Variants in VPS13C observed in about 807,000 individuals in gnomAD.
VPS13C encodes the protein intermembrane lipid transfer protein VPS13C.
VPS13C carries 358 observed loss-of-function variants against 456.8 expected under a neutral mutation model. That is an observed-to-expected ratio of 0.78 (90% confidence interval 0.72 to 0.86). The LOEUF is 0.86. VPS13C is among the 40% of genes least tolerant of loss of function. The probability of loss-of-function intolerance (pLI) is 0.00; values close to 1 mark genes in which losing one functional copy is unlikely to be tolerated. For synonymous variants in VPS13C, 1,578 were observed against 1,486.7 expected, an observed-to-expected ratio of 1.06 and a Z score of -1.41; for missense variants, 4,818 against 4,385.4, an observed-to-expected ratio of 1.10 and a Z score of -2.79.
At chr15:61,914,887 A>AAAAAAAAAAAAAAAAAAAC in intron 61 of VPS13C, among the ~76,000 whole-genome samples, 1 of 46,892 alleles carries the variant, frequency 2.1e-5, no homozygotes, top group African/African-American at 8.6e-5. Context: ...TTAAAAAAAA[A>AAAAAAAAAAAAAAAAAAAC]AAAAAAAAAA....
At chr15:61,977,269 T>C in intron 23 of VPS13C, 70 bp from the exon 24 acceptor site, 1 of 897,934 alleles carries the variant, frequency 1.1e-6, no homozygotes. Context: ...TAAATATTAT[T>C]TTTAATGAAT....
chr15:61,945,499 G>T (rs1342107391), intron 45 of VPS13C, among the ~76,000 whole-genome samples: 1 of 152,146 alleles, frequency 6.6e-6, no homozygotes, highest in Non-Finnish European at 1.5e-5. Context: ...CTGTGGAAAT[G>T]TTATAGAATT....
At chr15:61,990,828 A>G (rs1002370252) in intron 18 of VPS13C, among the ~76,000 whole-genome samples, 172 bp downstream of exon 18, 1 of 152,170 alleles carries the variant, frequency 6.6e-6, no homozygotes, top group Non-Finnish European at 1.5e-5. Flanking sequence ...CAAATAAAAT[A>G]AAGTTAGAGA....
At chr15:61,949,821 T>C (rs994578309) in intron 41 of VPS13C, among the ~76,000 whole-genome samples, 4 of 152,204 alleles carry the variant, frequency 2.6e-5, no homozygotes. Context: ...ACCACAATTT[T>C]AACTCAAAAG....
At chr15:61,928,288 G>C (rs1055378772) in intron 51 of VPS13C, among the ~76,000 whole-genome samples, 3 of 152,128 alleles carry the variant, frequency 2.0e-5, no homozygotes, top group African/African-American at 7.2e-5. Context: ...TTATATTGCA[G>C]GGGCAAGAAG....
chr15:62,049,091 G>A (rs1271872245), intron 1 of VPS13C, among the ~76,000 whole-genome samples: 2 of 152,062 alleles, frequency 1.3e-5, no homozygotes, highest in Non-Finnish European at 2.9e-5. Context: ...TTGCTGTGCA[G>A]AAGCTCTTTA....
intron 20 of VPS13C, 43 bp downstream of exon 20, chr15:61,983,777 A>G (rs200166659): frequency 1.6e-4 from 260 of 1,581,474 alleles, no homozygotes; most frequent in Non-Finnish European, 2.1e-4. Context: ...TGTCAGAAGC[A>G]TAAGATGATT....
At chr15:61,998,001 A>C (rs960695512) in intron 16 of VPS13C, among the ~76,000 whole-genome samples, 1 of 152,188 alleles carries the variant, frequency 6.6e-6, no homozygotes, top group East Asian at 1.9e-4. Flanking sequence ...ACAATCTGGC[A>C]ATCTCAACTC....
intron 66 of VPS13C, chr15:61,906,969 C>G (rs1324115878): frequency 3.3e-6 from 1 of 304,150 alleles, no homozygotes; most frequent in Non-Finnish European, 6.2e-6. Context: ...TTGTTTTTAA[C>G]TTAGTCTTAC....
At chr15:62,003,565 G>A (rs1370479416) in intron 15 of VPS13C, among the ~76,000 whole-genome samples, 1 of 152,078 alleles carries the variant, frequency 6.6e-6, no homozygotes, top group Non-Finnish European at 1.5e-5. Context: ...TGTGGAATAG[G>A]AGTGGTGAGA....
chr15:62,014,779 T>C (rs2047168959), intron 9 of VPS13C, among the ~76,000 whole-genome samples: 1 of 151,920 alleles, frequency 6.6e-6, no homozygotes, highest in Non-Finnish European at 1.5e-5. Flanking sequence ...CAGAAGGAGA[T>C]TAACATGATA....
At chr15:61,862,518 A>G (rs1448616234) in intron 82 of VPS13C, among the ~76,000 whole-genome samples, 1 of 152,232 alleles carries the variant, frequency 6.6e-6, no homozygotes, top group Non-Finnish European at 1.5e-5. Flanking sequence ...AACACATTGC[A>G]ACAGCTAAGT....
intron 13 of VPS13C, among the ~76,000 whole-genome samples, chr15:62,010,166 G>T (rs550290229): frequency 6.6e-6 from 1 of 151,632 alleles, no homozygotes. Context: ...CTCCAGCCTG[G>T]GCAACAGAGT....
At position 61,892,325 on chromosome 15, in the gene VPS13C, C is replaced by A. The variant is rs1465376413; in HGVS notation, c.9106-1925G>T. ...TCTTCTGAGGAGGAACCCTGGGCAG[C>A]CTTCCTACATAGCTGGGATATCCCC... On this transcript the variant is annotated intron_variant, in intron 66 of 84. Coordinates refer to ENST00000644861, the MANE Select transcript of VPS13C (RefSeq NM_020821.3). Among the ~76,000 whole-genome samples the A allele has an allele frequency of 2.0e-5, 3 of 152,158 alleles. No individual in the cohort carries two copies. In the East Asian group the frequency reaches 5.8e-4, roughly 29 times the overall value.
intron 72 of VPS13C, 55 bp from the exon 73 acceptor site, chr15:61,880,777 C>T (rs1189560203): frequency 6.5e-6 from 10 of 1,537,098 alleles, no homozygotes; most frequent in Non-Finnish European, 8.8e-6. Flanking sequence ...TATTAGAATT[C>T]GTTCAAAAGA....
Position 62,023,492 on chromosome 15 carries a change from T to C in VPS13C, c.543A>G (p.Thr181=). ...CTTGAGTTGCCAATTTTTCCACAAA[T>C]GTATCCTTTTTGGCTTCTTTTGGCT... ...KDKPKEAKKD[T]FVEKLATQVI... Residue 181 remains threonine, a synonymous_variant, in exon 8 of 85, where the codon ACA becomes ACG. Coordinates refer to ENST00000644861, the MANE Select transcript of VPS13C (RefSeq NM_020821.3). 1.3e-6 allele frequency: 2 copies of C among 1,585,598 alleles called. No individual in the cohort carries two copies. The highest frequency in any genetic ancestry group is 1.7e-6 in the Non-Finnish European group (2 of 1,169,130).
intron 37 of VPS13C, among the ~76,000 whole-genome samples, chr15:61,956,979 A>G (rs1191959231): frequency 6.6e-6 from 1 of 152,172 alleles, no homozygotes; most frequent in African/African-American, 2.4e-5. Context: ...AAAAGTGTAT[A>G]TAACTACGTC....
At chr15:61,949,380 A>C in intron 42 of VPS13C, 63 bp downstream of exon 42, 1 of 1,557,076 alleles carries the variant, frequency 6.4e-7, no homozygotes, top group Admixed American at 2.1e-5. Flanking sequence ...ACTGAAAAAA[A>C]CAAGTTGTTA....
chr15:61,862,765 C>T (rs1217255831), intron 82 of VPS13C, among the ~76,000 whole-genome samples: 3 of 152,134 alleles, frequency 2.0e-5, no homozygotes, highest in African/African-American at 7.2e-5. Context: ...TTCAGCTTTT[C>T]TTTATTCCCA....
Sources: gnomAD v4.1 joint callset for allele counts (sites outside exome capture counted in the v4.1 genomes callset) on GRCh38, gnomAD v4.1.1 for gene constraint, MANE v1.5 for transcripts, NCBI Gene and HGNC (gene_info 2026-07-23, HGNC 2026-07-21) for gene names.